Variants in ARB2A observed in about 807,000 individuals in gnomAD.
The protein encoded by ARB2A is cotranscriptional regulator ARB2A.
chr5:94,063,854 T>C, the ARB2A span, among the ~76,000 whole-genome samples: 1 of 151,436 alleles, frequency 6.6e-6, no homozygotes, highest in African/African-American at 2.4e-5. Context: ...TAAGAAAAAA[T>C]CATCCATTAT....
At chr5:93,883,914 CACAT>C in the ARB2A span, among the ~76,000 whole-genome samples, 1 of 118,588 alleles carries the variant, frequency 8.4e-6, no homozygotes, top group African/African-American at 3.0e-5. Context: ...TACACACATA[CACAT>C]ACACATACAC....
chr5:93,837,468 C>T, the ARB2A span, among the ~76,000 whole-genome samples: 1 of 151,978 alleles, frequency 6.6e-6, no homozygotes, highest in Non-Finnish European at 1.5e-5. Context: ...TTTATATATC[C>T]AATATACCCA....
At chr5:93,673,479 A>G in the ARB2A span, among the ~76,000 whole-genome samples, 1 of 152,148 alleles carries the variant, frequency 6.6e-6, no homozygotes, top group Admixed American at 6.5e-5. Flanking sequence ...TGGAGGAAGG[A>G]AAGAAAAGTA....
chr5:93,666,993 C>T, the ARB2A span, among the ~76,000 whole-genome samples: 1 of 152,022 alleles, frequency 6.6e-6, no homozygotes, highest in Non-Finnish European at 1.5e-5. Flanking sequence ...CCTTTGGAGT[C>T]CAGAAATGAA....
chr5:93,913,384 A>G, the ARB2A span, among the ~76,000 whole-genome samples: 2 of 151,938 alleles, frequency 1.3e-5, no homozygotes, highest in Non-Finnish European at 2.9e-5. Flanking sequence ...TAAGACTCAT[A>G]TAACCTCCTA....
chr5:93,741,273 T>C, the ARB2A span: 18 of 1,613,802 alleles, frequency 1.1e-5, no homozygotes, highest in East Asian at 2.2e-5. Flanking sequence ...GGAGGGCGCC[T>C]TCGGAGGGGC....
the ARB2A span, among the ~76,000 whole-genome samples, chr5:94,099,593 T>G: frequency 8.2e-6 from 1 of 122,310 alleles, no homozygotes; most frequent in Non-Finnish European, 1.6e-5. Context: ...CACTGCACTC[T>G]AGTCTTGGCA....
the ARB2A span, among the ~76,000 whole-genome samples, chr5:94,070,623 TCAATAAAA>T: frequency 1.3e-5 from 2 of 151,764 alleles, no homozygotes; most frequent in African/African-American, 4.8e-5. Flanking sequence ...CAAACACATA[TCAATAAAA>T]CAAAGAGAAT....
At chr5:93,785,625 T>C in the ARB2A span, among the ~76,000 whole-genome samples, 1 of 152,104 alleles carries the variant, frequency 6.6e-6, no homozygotes, top group African/African-American at 2.4e-5. Context: ...CATATGTACA[T>C]GCTGTCTCAA....
chr5:93,783,728 C>CA, the ARB2A span, among the ~76,000 whole-genome samples: 3 of 152,004 alleles, frequency 2.0e-5, no homozygotes, highest in South Asian at 6.2e-4. Flanking sequence ...GTCATAGGAA[C>CA]AAAAAATATA....
chr5:93,970,463 A>T, the ARB2A span, among the ~76,000 whole-genome samples: 9 of 152,210 alleles, frequency 5.9e-5, no homozygotes, highest in East Asian at 1.3e-3. Context: ...AAGTTTTTAA[A>T]CATCTGAAAC....
At chr5:94,064,887 G>A in the ARB2A span, among the ~76,000 whole-genome samples, 1 of 151,988 alleles carries the variant, frequency 6.6e-6, no homozygotes, top group Non-Finnish European at 1.5e-5. Flanking sequence ...CCATGTAAAG[G>A]CACAACAGAA....
the ARB2A span, among the ~76,000 whole-genome samples, chr5:94,098,598 C>A: frequency 3.9e-5 from 6 of 151,990 alleles, no homozygotes; most frequent in African/African-American, 1.5e-4. Context: ...AGCAAATCAA[C>A]CCCAAAGCTA....
chr5:93,634,782 CT>C, the ARB2A span, among the ~76,000 whole-genome samples: 8 of 149,148 alleles, frequency 5.4e-5, no homozygotes, highest in Admixed American at 6.7e-5. Flanking sequence ...CTCATTTTCT[CT>C]TTTTTTTTTG....
the ARB2A span, among the ~76,000 whole-genome samples, chr5:93,802,310 T>C: frequency 5.9e-5 from 9 of 152,018 alleles, no homozygotes; most frequent in African/African-American, 2.2e-4. Context: ...ATTTTTGTCA[T>C]AGATGACACA....
chr5:93,754,115 C>T, the ARB2A span, among the ~76,000 whole-genome samples: 1 of 152,132 alleles, frequency 6.6e-6, no homozygotes, highest in Admixed American at 6.5e-5. Context: ...TAATAATTTG[C>T]CAGTAACTCT....
At chr5:94,010,185 C>G in the ARB2A span, among the ~76,000 whole-genome samples, 1 of 151,992 alleles carries the variant, frequency 6.6e-6, no homozygotes. Context: ...AACTTTAGTG[C>G]TACAAATTCT....
the ARB2A span, among the ~76,000 whole-genome samples, chr5:93,962,910 T>C: frequency 3.3e-5 from 5 of 152,068 alleles, no homozygotes; most frequent in Admixed American, 2.0e-4. Context: ...CTTCCATCTA[T>C]AGAGATCAAT....
the ARB2A span, chr5:93,683,679 C>A: frequency 6.2e-7 from 1 of 1,608,950 alleles, no homozygotes; most frequent in Non-Finnish European, 8.5e-7. Context: ...AGTTCTGGGG[C>A]CTCAGGGGGC....
Sources: allele counts gnomAD v4.1 joint callset (sites outside exome capture counted in the v4.1 genomes callset), GRCh38; gene constraint gnomAD v4.1.1; transcripts MANE v1.5; gene names NCBI Gene and HGNC (gene_info 2026-07-23, HGNC 2026-07-21).